Variants in CPNE4 observed in about 807,000 individuals in gnomAD.
CPNE4 encodes the protein copine-4.
In CPNE4, 25 loss-of-function variants were observed where a neutral mutation model predicts 67.9. The ratio of observed to expected loss-of-function variants is 0.37; its 90% CI spans 0.27 to 0.51. The LOEUF (loss-of-function observed/expected upper bound fraction) is 0.51, where lower values mean the gene tolerates loss of function less well. Ranked by LOEUF, CPNE4 falls within the 20% of genes least tolerant of loss-of-function variation. The pLI is 0.93. For synonymous variants in CPNE4, 242 were observed against 244.9 expected (o/e 0.99, Z 0.11); for missense variants, 464 against 690.8 (o/e 0.67, Z 3.68).
At chr3:131,740,571 G>A (rs1025114087) in intron 2 of CPNE4, among the ~76,000 whole-genome samples, 7 of 151,980 alleles carry the variant, frequency 4.6e-5, no homozygotes, top group Non-Finnish European at 8.8e-5. Flanking sequence ...GGATCTCACG[G>A]CTTCTCACCT....
At chr3:131,926,530 A>C (rs2107820430) in intron 1 of CPNE4, among the ~76,000 whole-genome samples, 1 of 152,286 alleles carries the variant, frequency 6.6e-6, no homozygotes, top group African/African-American at 2.4e-5. Flanking sequence ...AAACAAGAAA[A>C]GTTTCTTGAG....
intron 7 of CPNE4, among the ~76,000 whole-genome samples, chr3:131,638,138 A>G (rs2079442422): frequency 6.6e-6 from 1 of 152,046 alleles, no homozygotes. Flanking sequence ...AAAAAAAACC[A>G]CAAGGTATTC....
chr3:131,926,807 A>T (rs2070908196), intron 1 of CPNE4, among the ~76,000 whole-genome samples: 2 of 152,286 alleles, frequency 1.3e-5, no homozygotes, highest in Admixed American at 1.3e-4. Flanking sequence ...CCCTAGAGAA[A>T]GGTGACTATT....
chr3:131,582,927 G>A (rs750305637), intron 8 of CPNE4, among the ~76,000 whole-genome samples: 1 of 152,176 alleles, frequency 6.6e-6, no homozygotes. Flanking sequence ...CGAATGTTGA[G>A]TACATAGTGA....
At chr3:131,708,957 G>GATATGTATATATATATATATATAT (rs2081484829) in intron 3 of CPNE4, among the ~76,000 whole-genome samples, 1 of 65,800 alleles carries the variant, frequency 1.5e-5, no homozygotes, top group Non-Finnish European at 3.2e-5. Context: ...AGGGCATAAA[G>GATATGTATATATATATATATATAT]ATATATATAT....
chr3:131,554,987 C>G (rs1936383004), intron 12 of CPNE4, among the ~76,000 whole-genome samples: 1 of 152,056 alleles, frequency 6.6e-6, no homozygotes, highest in African/African-American at 2.4e-5. Flanking sequence ...AAATAGGATT[C>G]CAACGTCTTC....
intron 2 of CPNE4, among the ~76,000 whole-genome samples, chr3:131,832,561 A>G: frequency 6.6e-6 from 1 of 152,208 alleles, no homozygotes; most frequent in Non-Finnish European, 1.5e-5. Context: ...ACCTTGCAGT[A>G]TGGACTTACT....
rs564286272 is a variant in CPNE4, at chr3:131,698,151, C to T, written c.433-1535G>A. On this transcript the variant is annotated intron_variant, in intron 4 of 15. Transcript: ENST00000429747. ...TCGGGAGGCTGAGGCAGGAGAATAG[C>T]GTGAACCCGGGAGGTGGAACTTGTA... Among the ~76,000 whole-genome samples the T allele has an allele frequency of 5.0e-5, 7 of 141,378 alleles. No homozygotes were observed. In the East Asian group the frequency reaches 6.3e-4, roughly 13 times the overall value. The allele number at this position is 141,378 out of a possible 152,430, so 92.7% of individuals were successfully genotyped here.
intron 2 of CPNE4, among the ~76,000 whole-genome samples, chr3:131,738,887 T>G (rs2107775019): frequency 6.7e-6 from 1 of 148,950 alleles, no homozygotes; most frequent in East Asian, 2.0e-4. Context: ...GGAGTTTTGC[T>G]CTCGTCGCCC....
chr3:131,895,108 C>T (rs190248346), intron 2 of CPNE4, among the ~76,000 whole-genome samples: 3 of 152,030 alleles, frequency 2.0e-5, no homozygotes, highest in East Asian at 1.9e-4. Context: ...ATAAGCCAGG[C>T]ACAGAAAGAC....
chr3:131,633,582 G>C (rs912658837), intron 7 of CPNE4, among the ~76,000 whole-genome samples: 3 of 145,688 alleles, frequency 2.1e-5, no homozygotes, highest in African/African-American at 8.4e-5. Flanking sequence ...CATAAGTGAA[G>C]ACATAATTAA....
intron 1 of CPNE4, among the ~76,000 whole-genome samples, chr3:132,026,312 A>G (rs190709014): frequency 2.0e-5 from 3 of 152,368 alleles, no homozygotes; most frequent in African/African-American, 7.2e-5. Context: ...AAAGCTTGCA[A>G]CATGCTACAG....
chr3:131,998,778 C>G (rs2073357885), intron 1 of CPNE4, among the ~76,000 whole-genome samples: 1 of 152,008 alleles, frequency 6.6e-6, no homozygotes, highest in South Asian at 2.1e-4. Context: ...TATTTGCTTC[C>G]TTATCCCATG....
intron 1 of CPNE4, among the ~76,000 whole-genome samples, chr3:131,954,139 A>G (rs939945152): frequency 6.6e-6 from 1 of 152,080 alleles, no homozygotes; most frequent in African/African-American, 2.4e-5. Flanking sequence ...AATATAGCTA[A>G]AAAATTACCC....
At chr3:131,737,703 A>G (rs2082270868) in intron 2 of CPNE4, among the ~76,000 whole-genome samples, 1 of 152,144 alleles carries the variant, frequency 6.6e-6, no homozygotes, top group Non-Finnish European at 1.5e-5. Context: ...CTCTTTTTGA[A>G]GCTACATAAT....
chr3:131,765,871 T>C (rs2082999291), intron 2 of CPNE4, among the ~76,000 whole-genome samples: 1 of 152,082 alleles, frequency 6.6e-6, no homozygotes, highest in South Asian at 2.1e-4. Flanking sequence ...AAGCTTCAAC[T>C]TACTGACTAT....
At chr3:131,671,145 T>C (rs937270213) in intron 6 of CPNE4, among the ~76,000 whole-genome samples, 13 of 152,180 alleles carry the variant, frequency 8.5e-5, no homozygotes, top group African/African-American at 3.1e-4. Context: ...TTATAAGTGA[T>C]TCCCTCTTCC....
At chr3:131,928,010 G>T (rs1320888550) in intron 1 of CPNE4, among the ~76,000 whole-genome samples, 1 of 152,140 alleles carries the variant, frequency 6.6e-6, no homozygotes, top group Non-Finnish European at 1.5e-5. Flanking sequence ...CAATGTTAAT[G>T]TTAATTTCTT....
At chr3:132,023,399 G>A (rs1425322880) in intron 1 of CPNE4, among the ~76,000 whole-genome samples, 1 of 151,080 alleles carries the variant, frequency 6.6e-6, no homozygotes, top group Admixed American at 6.6e-5. Flanking sequence ...AGTTTGGTCC[G>A]TGATTGATAC....
Sources: gnomAD v4.1 joint callset for allele counts (sites outside exome capture counted in the v4.1 genomes callset) on GRCh38, gnomAD v4.1.1 for gene constraint, MANE v1.5 for transcripts, NCBI Gene and HGNC (gene_info 2026-07-23, HGNC 2026-07-21) for gene names.